CLASP2: variants seen among roughly 807,000 people sequenced by gnomAD.
CLASP2 encodes CLIP-associating protein 2.
CLASP2 carries 47 observed loss-of-function variants against 194.4 expected under a neutral mutation model. The ratio of observed to expected loss-of-function variants is 0.24; its 90% CI spans 0.19 to 0.31. CLASP2 has a LOEUF of 0.31. Among genes scored for constraint, CLASP2 ranks in the 10% least tolerant of loss-of-function variants. CLASP2 has a pLI of 1.00. For missense variants in CLASP2, 1,445 were observed against 1,823.6 expected (o/e 0.79, Z 3.78); for synonymous variants, 619 against 633.5 (o/e 0.98, Z 0.34).
chr3:33,650,797 A>AGAAAGAGAAGAGAAG (rs2083051983), intron 7 of CLASP2, among the ~76,000 whole-genome samples: 1 of 152,168 alleles, frequency 6.6e-6, no homozygotes, highest in Non-Finnish European at 1.5e-5. Context: ...ACAAACAGGC[A>AGAAAGAGAAGAGAAG]GAAAGAGAAG....
chr3:33,522,897 C>CGTTA, intron 34 of CLASP2, among the ~76,000 whole-genome samples: 1 of 152,222 alleles, frequency 6.6e-6, no homozygotes, highest in Non-Finnish European at 1.5e-5. Context: ...GGTGAAACCC[C>CGTTA]GTCTCTACTA....
intron 16 of CLASP2, 50 bp downstream of exon 16, chr3:33,606,541 G>C (rs953131177): frequency 6.9e-7 from 1 of 1,456,456 alleles, no homozygotes; most frequent in African/African-American, 1.4e-5. Context: ...TGAAACTTCA[G>C]GGAGTTGAGG....
intron 37 of CLASP2, chr3:33,502,181 T>A (rs1213426922): frequency 6.5e-6 from 1 of 155,014 alleles, no homozygotes; most frequent in African/African-American, 2.4e-5. Context: ...CCAGGCCCGA[T>A]TAAGTTTTAC....
At chr3:33,600,827 CA>C (rs2071891217) in intron 18 of CLASP2, among the ~76,000 whole-genome samples, 1 of 151,814 alleles carries the variant, frequency 6.6e-6, no homozygotes, top group African/African-American at 2.4e-5. Context: ...TTATTAAAAA[CA>C]TAATTATGTA....
chr3:33,642,266 G>A (rs905344264), intron 8 of CLASP2, among the ~76,000 whole-genome samples: 19 of 151,892 alleles, frequency 1.3e-4, no homozygotes, highest in African/African-American at 4.3e-4. Context: ...ATGCTGACAC[G>A]GTTTATAGAA....
chr3:33,612,036 T>C lies in CLASP2; in HGVS notation c.1353A>G (p.Thr451=). The C allele has an allele frequency of 6.2e-7, 1 of 1,610,966 alleles. No individual in the cohort carries two copies. The highest frequency in any genetic ancestry group is 8.5e-7 in the Non-Finnish European group (1 of 1,178,212). The part of the protein sequence containing the change: ...THVPRLIPLI[T]SNCTSKSVPV... ...GAACTGATTTTGATGTGCAATTGCT[T>C]GTTATTAAAGGTATAAGTCTGGGTA... The change falls in exon 13 of 39, where the codon ACA becomes ACG. Residue 451 remains threonine (T), a synonymous_variant. Coordinates refer to ENST00000682230, the MANE Select transcript of CLASP2 (RefSeq NM_001365631.1).
intron 20 of CLASP2, among the ~76,000 whole-genome samples, chr3:33,593,072 A>G (rs1408691978): frequency 2.0e-5 from 3 of 152,204 alleles, no homozygotes; most frequent in Admixed American, 1.3e-4. Context: ...GAGGAAATAC[A>G]TATCACATAA....
chr3:33,555,694 T>C (rs2060800956), intron 29 of CLASP2, among the ~76,000 whole-genome samples: 1 of 152,162 alleles, frequency 6.6e-6, no homozygotes, highest in Non-Finnish European at 1.5e-5. Flanking sequence ...TAAAGCAATG[T>C]CATCCTCTCT....
At chr3:33,544,980 C>T in intron 30 of CLASP2, 139 bp from the exon 31 acceptor site, 1 of 521,810 alleles carries the variant, frequency 1.9e-6, no homozygotes, top group Non-Finnish European at 3.0e-6. Context: ...TATTTGCTTT[C>T]AAACTGTTTT....
chr3:33,652,605 G>C (rs954571581), intron 7 of CLASP2, among the ~76,000 whole-genome samples: 3 of 152,030 alleles, frequency 2.0e-5, no homozygotes, highest in African/African-American at 7.2e-5. Flanking sequence ...CATTCTCAAC[G>C]GTTTTAAATA....
At chr3:33,571,757 T>TGTGCC (rs1269429305) in intron 25 of CLASP2, among the ~76,000 whole-genome samples, 1 of 152,102 alleles carries the variant, frequency 6.6e-6, no homozygotes, top group East Asian at 1.9e-4. Flanking sequence ...GAACAATGAT[T>TGTGCC]GTGCCACTGC....
rs760254898 is a variant in CLASP2 at position 33,510,542 on chromosome 3, A to G, written c.4317+16T>C. ...AATGTATCATGGCTTATTCCTCTCC[A>G]AGCTTTGTTGCTTACCTGTATTAGA... On this transcript the variant is annotated intron_variant, in intron 37 of 38. Coordinates refer to ENST00000682230, the MANE Select transcript of CLASP2 (RefSeq NM_001365631.1). 1.9e-6 allele frequency: 3 copies of G among 1,612,190 alleles called. No individual in the cohort carries two copies. The highest frequency in any genetic ancestry group is 2.5e-6 in the Non-Finnish European group (3 of 1,178,404).
intron 7 of CLASP2, among the ~76,000 whole-genome samples, chr3:33,661,621 A>T (rs2154332351): frequency 6.6e-6 from 1 of 152,320 alleles, no homozygotes; most frequent in Non-Finnish European, 1.5e-5. Context: ...GAGAGGCAAG[A>T]AAAGATAACA....
At position 33,663,438 on chromosome 3, in the gene CLASP2, C is replaced by G. The variant is rs2085633903; in HGVS notation, c.715+7G>C. ...TTAGAAATGTTTGAGAGCTTAATTA[C>G]TCTTACCTTTGCAGACACTCAAAAT... On this transcript the variant is annotated splice_region_variant and intron_variant, in intron 7 of 38. Transcript: ENST00000682230. The G allele has an allele frequency of 6.2e-7, 1 of 1,609,718 alleles. No individual in the cohort carries two copies. Among genetic ancestry groups the G allele is most frequent in the African/African-American group, 1.3e-5 (1 of 74,948 alleles).
chr3:33,563,600 C>T (rs1249295301), intron 27 of CLASP2, among the ~76,000 whole-genome samples: 1 of 152,200 alleles, frequency 6.6e-6, no homozygotes, highest in East Asian at 1.9e-4. Context: ...ATCACAACTA[C>T]TCAACTTTGC....
At chr3:33,541,552 T>C (rs1389024804) in intron 32 of CLASP2, among the ~76,000 whole-genome samples, 1 of 152,226 alleles carries the variant, frequency 6.6e-6, no homozygotes, top group Non-Finnish European at 1.5e-5. Flanking sequence ...GTTTTCATCA[T>C]TTAGCTCCTA....
intron 6 of CLASP2, among the ~76,000 whole-genome samples, chr3:33,664,317 G>A (rs1170527671): frequency 1.3e-5 from 2 of 151,608 alleles, no homozygotes; most frequent in Non-Finnish European, 2.9e-5. Context: ...CCAATATATT[G>A]TGCTATGATT....
At chr3:33,554,192 G>A (rs369258635) in intron 29 of CLASP2, among the ~76,000 whole-genome samples, 7 of 144,458 alleles carry the variant, frequency 4.8e-5, no homozygotes, top group African/African-American at 1.3e-4. Flanking sequence ...ACACCACTGC[G>A]CTCCAGCCTG....
At chr3:33,592,545 G>A in intron 20 of CLASP2, 49 bp from the exon 21 acceptor site, 1 of 1,393,244 alleles carries the variant, frequency 7.2e-7, no homozygotes, top group Non-Finnish European at 9.9e-7. Context: ...CTATAATAAT[G>A]TTTAATAATG....
Sources: gnomAD v4.1 joint callset for allele counts (sites outside exome capture counted in the v4.1 genomes callset) on GRCh38, gnomAD v4.1.1 for gene constraint, MANE v1.5 for transcripts, NCBI Gene and HGNC (gene_info 2026-07-23, HGNC 2026-07-21) for gene names.